Variants in TECTB observed in about 807,000 individuals in gnomAD.
The protein encoded by TECTB is tectorin beta, also known as beta-tectorin.
A neutral mutation model predicts 43.3 loss-of-function variants in TECTB; 45 were observed. The ratio of observed to expected loss-of-function variants is 1.04; its 90% CI spans 0.82 to 1.33. TECTB has a LOEUF of 1.33. TECTB is among the 40% of genes most tolerant of loss of function. The pLI, the probability that TECTB is intolerant of heterozygous loss-of-function variation, is 0.00. For synonymous variants in TECTB, 169 were observed against 156.7 expected (o/e 1.08, Z -0.59); for missense variants, 399 against 404.7 (o/e 0.99, Z 0.12).
At chr10:112,288,140 A>C (rs1356444365) in intron 5 of TECTB, among the ~76,000 whole-genome samples, 1 of 152,184 alleles carries the variant, frequency 6.6e-6, no homozygotes, top group Non-Finnish European at 1.5e-5. Context: ...TTTGCTATTG[A>C]ATCCCTGTCT....
chr10:112,284,711 G>A lies in TECTB; in HGVS notation c.253G>A (p.Gly85Arg), dbSNP rs779459595. ...ATCACCTAAAAACAAGTCCTATTGT[G>A]GAACCCAGTCTGAGGTAAGACCAGG... ...DLSPKNKSYC[G>R]TQSEYKPPIY... The change falls in exon 3 of 11, where the codon GGA becomes AGA. Residue 85 changes from glycine to arginine, a missense_variant. Physicochemically the swap from Gly to Arg is moderately radical, Grantham distance 125 (BLOSUM62 -2). Coordinates refer to ENST00000646139, the MANE Select transcript of TECTB (RefSeq NM_058222.3). 2 of 1,599,102 alleles carry A rather than the reference G, an allele frequency of 1.3e-6. No individual in the cohort carries two copies. Among genetic ancestry groups the A allele is most frequent in the Non-Finnish European group, 1.7e-6 (2 of 1,171,926 alleles).
chr10:112,302,217 C>T (rs1848618031), intron 10 of TECTB, 84 bp downstream of exon 10: 3 of 1,538,602 alleles, frequency 1.9e-6, no homozygotes, highest in Non-Finnish European at 2.7e-6. Context: ...TTAACTTTGG[C>T]CCCGGCAAAA....
rs549441023 is a variant in TECTB at position 112,295,645 on chromosome 10, G to A, written c.671+1584G>A. 7.7e-4 allele frequency among the ~76,000 whole-genome samples: 117 copies of A among 152,218 alleles called. 1 individual carries two copies. The highest frequency in any genetic ancestry group is 1.6e-3 in the Admixed American group (25 of 15,280). On this transcript the variant is annotated intron_variant, in intron 7 of 10. Coordinates refer to ENST00000646139, the MANE Select transcript of TECTB (RefSeq NM_058222.3). ...GATTCAATTCATTCAGCCTCTGTTA[G>A]CAATGGTGCAATCAAATGACTCCAG...
intron 8 of TECTB, among the ~76,000 whole-genome samples, chr10:112,298,642 G>A (rs572129246): frequency 6.6e-6 from 1 of 152,230 alleles, no homozygotes; most frequent in African/African-American, 2.4e-5. Context: ...AACTCAAAAG[G>A]TGGGTGTTTT....
chr10:112,284,706 A>G lies in TECTB; in HGVS notation c.248A>G (p.Tyr83Cys), dbSNP rs760201500. The change falls in exon 3 of 11, where the codon TAT (tyrosine) becomes TGT (cysteine). Residue 83 changes from tyrosine to cysteine, a missense_variant. Physicochemically the swap from Tyr to Cys is radical, Grantham distance 194. Transcript: ENST00000646139. ...GATTTATCACCTAAAAACAAGTCCT[A>G]TTGTGGAACCCAGTCTGAGGTAAGA... Reference protein sequence around the residue: ...IPDLSPKNKSYCGTQSEYKPP... With the variant: ...IPDLSPKNKSCCGTQSEYKPP... 18 of 1,603,830 alleles carry G rather than the reference A, an allele frequency of 1.1e-5. No individual in the cohort carries two copies. The highest frequency in any genetic ancestry group is 2.7e-5 in the African/African-American group (2 of 74,744).
chr10:112,284,776 C>G, intron 3 of TECTB, 51 bp downstream of exon 3: 1 of 1,383,482 alleles, frequency 7.2e-7, no homozygotes, highest in Non-Finnish European at 9.5e-7. Flanking sequence ...GCAACTGGAC[C>G]CAAGAATGAG....
chr10:112,293,828 G>C lies in TECTB; in HGVS notation c.574G>C (p.Gly192Arg). The C allele has an allele frequency of 1.9e-6, 3 of 1,614,128 alleles. No homozygotes were observed. Among genetic ancestry groups the C allele is most frequent in the Non-Finnish European group, 2.5e-6 (3 of 1,180,000 alleles). The change falls in exon 6 of 11, where the codon GGG becomes CGG. Residue 192 changes from glycine (G) to arginine (R), a missense_variant. Coordinates refer to ENST00000646139, the MANE Select transcript of TECTB (RefSeq NM_058222.3). ...TCTGTTTGCAGGAGTGGAAGCCAAA[G>C]GGTTAAGCATTAGGTAAGTACATTT... ...SDLFAGVEAK[G>R]LSIRFKVVLN...
intron 5 of TECTB, among the ~76,000 whole-genome samples, chr10:112,287,963 T>C (rs1490934191): frequency 6.6e-6 from 1 of 152,116 alleles, no homozygotes; most frequent in Admixed American, 6.6e-5. Context: ...AGAAAGGGAA[T>C]CCACGTAGCC....
chr10:112,292,209 T>C (rs1197147593), intron 5 of TECTB, among the ~76,000 whole-genome samples: 2 of 151,508 alleles, frequency 1.3e-5, no homozygotes, highest in Non-Finnish European at 2.9e-5. Flanking sequence ...TTGAATGAAC[T>C]CAAGACTCAG....
At chr10:112,283,854 T>A (rs779593722) in intron 2 of TECTB, 44 bp downstream of exon 2, 6 of 1,595,466 alleles carry the variant, frequency 3.8e-6, no homozygotes, top group Non-Finnish European at 5.1e-6. Flanking sequence ...AAAAGTTTCC[T>A]GAAGTTTCCT....
At chr10:112,302,200 G>C (rs901710125) in intron 10 of TECTB, 67 bp downstream of exon 10, 2 of 1,582,630 alleles carry the variant, frequency 1.3e-6, no homozygotes, top group East Asian at 2.2e-5. Flanking sequence ...AGTGTTTTAA[G>C]AGAAGCTTAA....
Position 112,303,303 on chromosome 10 carries a change from C to G in TECTB, c.981C>G (p.Ala327=), listed in dbSNP as rs768062012. The change falls in exon 11 of 11, where the codon GCC becomes GCG. Residue 327 remains alanine, a synonymous_variant. Transcript: ENST00000646139. ...TCATCATGATGTTGGGGATTTGTGC[C>G]GTGTTATAGGAGTTAGCCAGGCAGC... ...HHLIMMLGIC[A]VL 6.2e-7 allele frequency: 1 copy of G among 1,614,072 alleles called. No individual in the cohort carries two copies. Among genetic ancestry groups the G allele is most frequent in the Non-Finnish European group, 8.5e-7 (1 of 1,180,010 alleles).
chr10:112,299,607 C>T (rs200828834), intron 9 of TECTB, 43 bp downstream of exon 9: 15 of 1,604,098 alleles, frequency 9.4e-6, no homozygotes, highest in African/African-American at 2.7e-5. Flanking sequence ...CGGTTGAGTT[C>T]ACGCTGGGCT....
At chr10:112,287,547 C>T (rs1030975820) in intron 5 of TECTB, among the ~76,000 whole-genome samples, 2 of 152,250 alleles carry the variant, frequency 1.3e-5, no homozygotes, top group African/African-American at 2.4e-5. Context: ...ATCGTACTAC[C>T]TCTAACTCCA....
At chr10:112,287,445 G>A (rs1324480212) in intron 5 of TECTB, among the ~76,000 whole-genome samples, 1 of 152,236 alleles carries the variant, frequency 6.6e-6, no homozygotes, top group Non-Finnish European at 1.5e-5. Context: ...GAAGATGTGG[G>A]CAGAAATACA....
rs557485718 is a variant in TECTB at position 112,303,963 on chromosome 10, T to C, written c.*651T>C. 6.6e-6 allele frequency: 1 copy of C among 152,364 alleles called. No individual in the cohort carries two copies. The highest frequency in any genetic ancestry group is 2.1e-4 in the South Asian group (1 of 4,834). 9.4% of individuals were successfully genotyped at this position (152,364 alleles called of 1,614,324 possible). Reference sequence around the variant, plus strand: ...CCATTTGTTAAATATATAAACATGATATAGGTAGAAACTCCTTGTTTTTAT... The same window carrying C: ...CCATTTGTTAAATATATAAACATGACATAGGTAGAAACTCCTTGTTTTTAT... On this transcript the variant is annotated 3_prime_UTR_variant, in exon 11 of 11. Transcript: ENST00000646139.
rs370919137 is a variant in TECTB at position 112,302,163 on chromosome 10, G to A, written c.940+30G>A. On this transcript the variant is annotated intron_variant, in intron 10 of 10. Coordinates refer to ENST00000646139, the MANE Select transcript of TECTB (RefSeq NM_058222.3). Reference sequence around the variant, plus strand: ...GGAAAAGAGACACTTCTGGGATTTCGTGGGGCTATGCTGTTAAAAGGCAGA... The same window carrying A: ...GGAAAAGAGACACTTCTGGGATTTCATGGGGCTATGCTGTTAAAAGGCAGA... 5.8e-5 allele frequency: 94 copies of A among 1,613,004 alleles called. 1 individual carries two copies. Among genetic ancestry groups the A allele is most frequent in the East Asian group, 5.8e-4 (26 of 44,892 alleles).
intron 10 of TECTB, 26 bp downstream of exon 10, chr10:112,302,159 T>C (rs1470304165): frequency 6.2e-7 from 1 of 1,613,642 alleles, no homozygotes; most frequent in East Asian, 2.2e-5. Context: ...ACTTCTGGGA[T>C]TTCGTGGGGC....
intron 7 of TECTB, among the ~76,000 whole-genome samples, chr10:112,296,990 AC>A (rs1848553296): frequency 6.6e-6 from 1 of 151,884 alleles, no homozygotes; most frequent in East Asian, 1.9e-4. Flanking sequence ...CAGATAACAA[AC>A]CCCCACAATA....
Sources: allele counts gnomAD v4.1 joint callset (sites outside exome capture counted in the v4.1 genomes callset), GRCh38; gene constraint gnomAD v4.1.1; transcripts MANE v1.5; gene names NCBI Gene and HGNC (gene_info 2026-07-23, HGNC 2026-07-21).